Variants in LRRFIP1 observed in about 807,000 individuals in gnomAD.
LRRFIP1 encodes leucine-rich repeat flightless-interacting protein 1.
LRRFIP1 carries 62 observed loss-of-function variants against 104.4 expected under a neutral mutation model. The ratio of observed to expected loss-of-function variants is 0.59; its 90% CI spans 0.48 to 0.73. The LOEUF is 0.73. Ranked by LOEUF, LRRFIP1 falls within the 30% of genes least tolerant of loss-of-function variation. LRRFIP1 has a pLI of 0.00. For missense variants in LRRFIP1, 796 were observed against 824.5 expected, an observed-to-expected ratio of 0.97 and a Z score of 0.42; for synonymous variants, 300 against 299.0, an observed-to-expected ratio of 1.00 and a Z score of -0.03.
rs570988894 is a variant in LRRFIP1, at chr2:237,682,069, C to T, written c.97-26475C>T. Among the ~76,000 whole-genome samples the T allele has an allele frequency of 2.6e-4, 40 of 152,270 alleles. No homozygotes were observed. The South Asian group carries it at 7.9e-3, about 30-fold the overall frequency. ...AGCTGCCTGAAAGACGGCAGAAGCT[C>T]CCTGAGTGTGCCAAAAGCACTGATG... On this transcript the variant is annotated intron_variant, in intron 1 of 23. Coordinates refer to ENST00000308482, the MANE Select transcript of LRRFIP1 (RefSeq NM_001137550.2).
intron 10 of LRRFIP1, among the ~76,000 whole-genome samples, 191 bp from the exon 11 acceptor site, chr2:237,739,041 T>C (rs1380670594): frequency 2.6e-5 from 4 of 152,258 alleles, no homozygotes; most frequent in Non-Finnish European, 5.9e-5. Context: ...TGATTGGCTT[T>C]TTTATTCTTA....
intron 19 of LRRFIP1, chr2:237,764,625 A>G (rs1240384000): frequency 1.9e-5 from 19 of 988,114 alleles, no homozygotes; most frequent in East Asian, 1.1e-4. Flanking sequence ...TATAACCTGT[A>G]TGGTATTTTA....
chr2:237,697,265 C>G (rs1451803927), intron 1 of LRRFIP1, among the ~76,000 whole-genome samples: 1 of 152,118 alleles, frequency 6.6e-6, no homozygotes, highest in Non-Finnish European at 1.5e-5. Flanking sequence ...TCAAGTGATC[C>G]TCCCATCTCG....
At position 237,703,841 on chromosome 2, in the gene LRRFIP1, G is replaced by A. The variant is rs1322668715; in HGVS notation, c.97-4703G>A. Among the ~76,000 whole-genome samples, 3 of 152,102 alleles carry A rather than the reference G, an allele frequency of 2.0e-5. No individual in the cohort carries two copies. Among genetic ancestry groups the A allele is most frequent in the African/African-American group, 7.2e-5 (3 of 41,418 alleles). ...CGTTCACAGCACAGTGCATTCCTGT[G>A]GCCTCCCCGGGCCACGGTCAGCCCA... On this transcript the variant is annotated intron_variant, in intron 1 of 23. Coordinates refer to ENST00000308482, the MANE Select transcript of LRRFIP1 (RefSeq NM_001137550.2). This position sits in a 1 kb window ranked among gnomAD's most constrained non-coding sequence, Gnocchi z 4.3.
chr2:237,714,909 G>A lies in LRRFIP1; in HGVS notation c.201+633G>A, dbSNP rs372210435. On this transcript the variant is annotated intron_variant, in intron 3 of 23. Transcript: ENST00000308482. ...AGCAAAAATGAAGTCAGAAGTGAGC[G>A]AGTTCCTTGAGAATTTATAGAATTT... Among the ~76,000 whole-genome samples the A allele has an allele frequency of 6.6e-5, 10 of 152,314 alleles. No homozygotes were observed. In the East Asian group the frequency reaches 1.2e-3, roughly 18 times the overall value.
intron 1 of LRRFIP1, among the ~76,000 whole-genome samples, chr2:237,685,416 G>A (rs1034416994): frequency 3.3e-5 from 5 of 152,108 alleles, no homozygotes; most frequent in Non-Finnish European, 5.9e-5. Context: ...GTAATGTAAC[G>A]CCATGGAAGG....
At chr2:237,733,879 A>G in intron 9 of LRRFIP1, 61 bp downstream of exon 9, 1 of 1,550,776 alleles carries the variant, frequency 6.4e-7, no homozygotes, top group Non-Finnish European at 8.8e-7. Context: ...CACCGCCCCC[A>G]CCAAGCCCAG....
At position 237,763,112 on chromosome 2, in the gene LRRFIP1, A is replaced by G. The variant is rs147286832; in HGVS notation, c.1459+2907A>G. On this transcript the variant is annotated intron_variant, in intron 19 of 23. Transcript: ENST00000308482. ...AGAGGTCCCCCAAGAGTTAGAGACA[A>G]GCACAGGGCATAGTTTAGAGAAAGA... is the stretch of plus-strand genomic sequence containing the variant. 1.6e-4 allele frequency: 262 copies of G among 1,614,258 alleles called. No individual in the cohort carries two copies. The highest frequency in any genetic ancestry group is 8.2e-4 in the Middle Eastern group (5 of 6,062).
Position 237,772,081 on chromosome 2 carries a change from A to T in LRRFIP1, c.1510A>T (p.Ile504Phe). ...AGATTTTACTGGCGGGTGTTTTCAG[A>T]TTAAGAAACTCAAAGGGCAGCTGGA... Reference protein sequence around the residue: ...VDERECLLEQIKKLKGQLEER... With the variant: ...VDERECLLEQFKKLKGQLEER... The change falls in exon 21 of 24, where the codon ATT becomes TTT. Residue 504 changes from isoleucine to phenylalanine, a missense_variant and splice_region_variant. Transcript: ENST00000308482. 1 of 1,606,504 alleles carries T rather than the reference A, an allele frequency of 6.2e-7. No individual in the cohort carries two copies. Among genetic ancestry groups the T allele is most frequent in the Non-Finnish European group, 8.5e-7 (1 of 1,174,946 alleles).
At chr2:237,750,300 T>TC (rs948165973) in intron 13 of LRRFIP1, among the ~76,000 whole-genome samples, 5 of 149,598 alleles carry the variant, frequency 3.3e-5, no homozygotes, top group African/African-American at 5.0e-5. Context: ...CCTTTTTTTT[T>TC]CCTTTTTCTT....
rs1391121103 is a variant in LRRFIP1 at position 237,661,581 on chromosome 2, C to T, written c.96+33841C>T. Among the ~76,000 whole-genome samples the T allele has an allele frequency of 6.6e-6, 1 of 152,214 alleles. No individual in the cohort carries two copies. The highest frequency in any genetic ancestry group is 1.5e-5 in the Non-Finnish European group (1 of 68,042). Reference sequence around the variant, plus strand: ...CAAACTGCCCTATGTGCATCTCTGTCCTCATCCATGAAACCATCCTTGTCC... The same window carrying T: ...CAAACTGCCCTATGTGCATCTCTGTTCTCATCCATGAAACCATCCTTGTCC... On this transcript the variant is annotated intron_variant, in intron 1 of 23. Transcript: ENST00000308482. The surrounding 1 kb of genome is among the most constrained non-coding windows in gnomAD (Gnocchi z 4.4).
chr2:237,628,759 C>A (rs1400065910), intron 1 of LRRFIP1, among the ~76,000 whole-genome samples: 2 of 152,168 alleles, frequency 1.3e-5, no homozygotes, highest in African/African-American at 2.4e-5. Context: ...CTGGCTGTAT[C>A]CGTCAGATAT....
At chr2:237,641,115 G>A (rs1340650672) in intron 1 of LRRFIP1, among the ~76,000 whole-genome samples, 2 of 151,516 alleles carry the variant, frequency 1.3e-5, no homozygotes, top group Non-Finnish European at 2.9e-5. Flanking sequence ...TTAAAAAATG[G>A]TATTCCTCCC....
intron 1 of LRRFIP1, among the ~76,000 whole-genome samples, chr2:237,697,359 G>A (rs2093259689): frequency 6.6e-6 from 1 of 152,186 alleles, no homozygotes; most frequent in African/African-American, 2.4e-5. Context: ...GAAAATAATG[G>A]TAGAAATGAA....
At chr2:237,723,354 T>A (rs183467704) in intron 6 of LRRFIP1, among the ~76,000 whole-genome samples, 194 bp from the exon 7 acceptor site, 52 of 152,378 alleles carry the variant, frequency 3.4e-4, no homozygotes, top group Non-Finnish European at 1.5e-4. Flanking sequence ...TGAATGCTAC[T>A]GGATTCTGTG....
intron 1 of LRRFIP1, among the ~76,000 whole-genome samples, chr2:237,644,523 T>C (rs538041541): frequency 1.3e-5 from 2 of 152,300 alleles, no homozygotes; most frequent in South Asian, 4.2e-4. Context: ...TGTTCTTGGG[T>C]TAGAGGCGGG....
intron 1 of LRRFIP1, among the ~76,000 whole-genome samples, chr2:237,673,724 T>C (rs2090707812): frequency 6.6e-6 from 1 of 152,050 alleles, no homozygotes; most frequent in Admixed American, 6.6e-5. Context: ...AGGGTACCGT[T>C]TGGGGACAAT....
rs182749009 is a variant in LRRFIP1 at position 237,749,463 on chromosome 2, G to A, written c.795+139G>A. The stretch of plus-strand genomic sequence containing the variant: ...CTCTCCCTCACCTCCCCTAAAATAC[G>A]GTGTTCTCCTAACATCAAGACCCAG... On this transcript the variant is annotated intron_variant, in intron 13 of 23. Coordinates refer to ENST00000308482, the MANE Select transcript of LRRFIP1 (RefSeq NM_001137550.2). 182 of 1,015,706 alleles carry A rather than the reference G, an allele frequency of 1.8e-4. No individual in the cohort carries two copies. In the East Asian group the frequency reaches 3.6e-3, roughly 20 times the overall value. 62.9% of individuals were successfully genotyped at this position (1,015,706 alleles called of 1,614,324 possible).
At chr2:237,666,488 G>C (rs1393709896) in intron 1 of LRRFIP1, among the ~76,000 whole-genome samples, 1 of 152,214 alleles carries the variant, frequency 6.6e-6, no homozygotes, top group Admixed American at 6.5e-5. Context: ...CTTCACCTAA[G>C]AATGAGTTGC....
Sources: gnomAD v4.1 joint callset for allele counts (sites outside exome capture counted in the v4.1 genomes callset) on GRCh38, gnomAD v4.1.1 for gene constraint, Gnocchi (gnomAD v3.1) non-coding constraint, MANE v1.5 for transcripts, NCBI Gene and HGNC (gene_info 2026-07-23, HGNC 2026-07-21) for gene names.